TARS3: variants seen among roughly 807,000 people sequenced by gnomAD.
TARS3 encodes threonine--tRNA ligase 2, cytoplasmic.
Under a neutral mutation model 103.5 loss-of-function variants are expected in TARS3, and 94 were observed. The observed-to-expected ratio is 0.91, with a 90% CI of 0.77 to 1.08. TARS3 has a LOEUF of 1.08. TARS3 is among the 50% of genes least tolerant of loss of function. TARS3 has a pLI of 0.00. For missense variants in TARS3, 952 were observed against 995.2 expected (o/e 0.96, Z 0.58); for synonymous variants, 416 against 355.4 (o/e 1.17, Z -1.92).
At chr15:101,663,912 A>C (rs1034214878) in intron 15 of TARS3, among the ~76,000 whole-genome samples, 1 of 152,196 alleles carries the variant, frequency 6.6e-6, no homozygotes, top group Non-Finnish European at 1.5e-5. Context: ...TGTTCATTTC[A>C]CAGGAATGAA....
chr15:101,680,719 T>C (rs1042036618), intron 12 of TARS3, among the ~76,000 whole-genome samples: 2 of 152,232 alleles, frequency 1.3e-5, no homozygotes, highest in African/African-American at 4.8e-5. Flanking sequence ...ATTTGATATA[T>C]GCCTCACAAA....
intron 3 of TARS3, among the ~76,000 whole-genome samples, chr15:101,716,104 C>T (rs1000034446): frequency 6.6e-6 from 1 of 151,838 alleles, no homozygotes; most frequent in Non-Finnish European, 1.5e-5. Context: ...GCAACCCCTG[C>T]CTTCTGGGTT....
At chr15:101,675,972 G>A (rs1479893480) in intron 12 of TARS3, among the ~76,000 whole-genome samples, 1 of 147,126 alleles carries the variant, frequency 6.8e-6, no homozygotes, top group African/African-American at 2.7e-5. Flanking sequence ...GCAGCGCCGC[G>A]CACAGGAGAG....
intron 15 of TARS3, among the ~76,000 whole-genome samples, chr15:101,671,255 A>C (rs959991272): frequency 6.6e-6 from 1 of 152,118 alleles, no homozygotes. Context: ...TCATATTTTC[A>C]TGGAACTTTG....
intron 5 of TARS3, among the ~76,000 whole-genome samples, chr15:101,711,579 T>C (rs1004731903): frequency 3.3e-5 from 5 of 152,238 alleles, no homozygotes; most frequent in African/African-American, 1.2e-4. Context: ...CTTATGATTT[T>C]CTTAACATCT....
chr15:101,693,525 C>T (rs542746417), intron 10 of TARS3, among the ~76,000 whole-genome samples: 1 of 152,188 alleles, frequency 6.6e-6, no homozygotes, highest in South Asian at 2.1e-4. Context: ...ACCATATCAC[C>T]ATATGACCCT....
intron 16 of TARS3, among the ~76,000 whole-genome samples, chr15:101,658,461 T>C (rs2939586): frequency 0.55 from 83,905 of 151,858 alleles, 23,840 homozygotes; most frequent in African/African-American, 0.67. Flanking sequence ...ATATTCTTTA[T>C]ATGACAAAAT....
rs1282767879 is a variant in TARS3, at chr15:101,702,272, T to C, written c.1188A>G (p.Glu396=). 6.2e-7 allele frequency: 1 copy of C among 1,614,194 alleles called. No homozygotes were observed. The highest frequency in any genetic ancestry group is 1.1e-5 in the South Asian group (1 of 91,082). ...MMRDWEKFQE[E]AKNRDHRKIG... ...TCTTCCTGTGATCTCGGTTCTTTGC[T>C]TCCTCTTGGAACTTTTCCCAGTCTC... is the stretch of plus-strand genomic sequence containing the variant. The change falls in exon 9 of 19, where the codon GAA becomes GAG. Residue 396 remains glutamate, a synonymous_variant. Transcript: ENST00000335968.
intron 18 of TARS3, among the ~76,000 whole-genome samples, chr15:101,656,446 T>G (rs1897201287): frequency 6.6e-6 from 1 of 152,254 alleles, no homozygotes; most frequent in Non-Finnish European, 1.5e-5. Context: ...AATTTTAGAT[T>G]CTGCATCTAA....
chr15:101,708,445 GA>G (rs1299187494), intron 6 of TARS3, among the ~76,000 whole-genome samples: 1 of 152,054 alleles, frequency 6.6e-6, no homozygotes, highest in Non-Finnish European at 1.5e-5. Flanking sequence ...AAAGTTAACA[GA>G]AAACTCCCAC....
chr15:101,703,217 T>G (rs990118609), intron 8 of TARS3, among the ~76,000 whole-genome samples: 2 of 152,210 alleles, frequency 1.3e-5, no homozygotes, highest in Non-Finnish European at 2.9e-5. Flanking sequence ...ATACATTACT[T>G]TCACATGCAG....
chr15:101,714,799 T>G (rs748294622), intron 4 of TARS3, 41 bp downstream of exon 4: 1 of 1,593,624 alleles, frequency 6.3e-7, no homozygotes, highest in East Asian at 2.2e-5. Context: ...GTTTACAACA[T>G]AACTACCCAA....
rs559109986 is a variant in TARS3, at chr15:101,684,015, G to T, written c.1650+60C>A. On this transcript the variant is annotated intron_variant, in intron 12 of 18. Coordinates refer to ENST00000335968, the MANE Select transcript of TARS3 (RefSeq NM_152334.3). ...CAGTAACTCTGAAAGAATACAAGATGTGTGCGGGGCATCACACTCAATTTG... is the reference window on the plus strand; with the variant it reads ...CAGTAACTCTGAAAGAATACAAGATTTGTGCGGGGCATCACACTCAATTTG... The T allele has an allele frequency of 1.1e-5, 17 of 1,490,764 alleles. No homozygotes were observed. In the South Asian group the frequency reaches 2.3e-4, roughly 20 times the overall value. 92.3% of individuals were successfully genotyped at this position (1,490,764 alleles called of 1,614,324 possible).
At chr15:101,663,771 C>T (rs945689040) in intron 15 of TARS3, among the ~76,000 whole-genome samples, 7 of 152,148 alleles carry the variant, frequency 4.6e-5, no homozygotes, top group Non-Finnish European at 4.4e-5. Context: ...CTCTTGCTTT[C>T]ATGTATTTGT....
At chr15:101,703,632 T>C (rs1282140437) in intron 8 of TARS3, among the ~76,000 whole-genome samples, 3 of 152,060 alleles carry the variant, frequency 2.0e-5, no homozygotes, top group Admixed American at 6.6e-5. Flanking sequence ...GAAAAAGAAA[T>C]GTTATAACAC....
At chr15:101,714,762 T>G (rs1383794405) in intron 4 of TARS3, 78 bp downstream of exon 4, 2 of 1,364,802 alleles carry the variant, frequency 1.5e-6, no homozygotes, top group Non-Finnish European at 2.0e-6. Context: ...ATTCGTGACT[T>G]CAATATGTGG....
intron 15 of TARS3, among the ~76,000 whole-genome samples, chr15:101,666,737 T>C (rs1390113690): frequency 2.0e-5 from 3 of 152,174 alleles, no homozygotes; most frequent in African/African-American, 7.2e-5. Flanking sequence ...GTTTATTCTC[T>C]TATATCTTCA....
chr15:101,666,574 A>G (rs1029723058), intron 15 of TARS3, among the ~76,000 whole-genome samples: 8 of 151,986 alleles, frequency 5.3e-5, no homozygotes, highest in African/African-American at 1.9e-4. Flanking sequence ...ATTTTTAAAC[A>G]ATATTTTTAA....
At position 101,724,174 on chromosome 15, in the gene TARS3, G is replaced by T; in HGVS notation, c.214C>A (p.Arg72=). The T allele has an allele frequency of 6.7e-7, 1 of 1,502,886 alleles. No homozygotes were observed. The highest frequency in any genetic ancestry group is 1.4e-5 in the African/African-American group (1 of 69,324). 93.1% of individuals were successfully genotyped at this position (1,502,886 alleles called of 1,614,324 possible). A position where few individuals can be genotyped will look rare whatever the true frequency, so the allele number is the denominator to read the frequency against. Residue 72 remains arginine (R), a synonymous_variant, in exon 1 of 19, where the codon CGG becomes AGG. Coordinates refer to ENST00000335968, the MANE Select transcript of TARS3 (RefSeq NM_152334.3). ...CTCCGCTCCTCGGCGAGGCACAGCC[G>T]CAGGCTGCACAGGCGGTGGCGCAGG... ...CDLRHRLCSL[R]LCLAEERSRQ...
Sources: allele counts gnomAD v4.1 joint callset (sites outside exome capture counted in the v4.1 genomes callset), GRCh38; gene constraint gnomAD v4.1.1; transcripts MANE v1.5; gene names NCBI Gene and HGNC (gene_info 2026-07-23, HGNC 2026-07-21).